LAMA3: variants seen among roughly 807,000 people sequenced by gnomAD.
LAMA3 encodes laminin subunit alpha 3, also known as laminin subunit alpha-3.
Under a neutral mutation model 402.0 loss-of-function variants are expected in LAMA3, and 281 were observed. The observed-to-expected ratio is 0.70, with a 90% CI of 0.63 to 0.77. The LOEUF is 0.77. Among genes scored for constraint, LAMA3 ranks in the 30% least tolerant of loss-of-function variants. LAMA3 has a pLI of 0.00. For synonymous variants in LAMA3, 1,431 were observed against 1,558.4 expected (o/e 0.92, Z 1.93); for missense variants, 3,840 against 4,215.5 (o/e 0.91, Z 2.47).
intron 24 of LAMA3, among the ~76,000 whole-genome samples, chr18:23,836,442 A>G (rs1385894953): frequency 1.3e-5 from 2 of 152,212 alleles, no homozygotes; most frequent in African/African-American, 2.4e-5. Context: ...GAGCTTTTAA[A>G]TGCCCCTGAA....
At chr18:23,788,450 T>A (rs2062588309) in intron 12 of LAMA3, among the ~76,000 whole-genome samples, 1 of 151,790 alleles carries the variant, frequency 6.6e-6, no homozygotes, top group Non-Finnish European at 1.5e-5. Flanking sequence ...AAAATTACAC[T>A]AGAAAATATC....
chr18:23,810,698 C>G (rs2063052734), intron 13 of LAMA3, among the ~76,000 whole-genome samples, 195 bp downstream of exon 13: 1 of 152,120 alleles, frequency 6.6e-6, no homozygotes, highest in African/African-American at 2.4e-5. Flanking sequence ...TATGTACCCT[C>G]AAAGGAATCC....
rs984661883 is a variant in LAMA3 at position 23,845,132 on chromosome 18, T to A, written c.3719+8T>A. ...AAACAGCTTTTACCTTGAGTGAGTA[T>A]CACTTTGTGGGAAGGCTCTGGAATG... On this transcript the variant is annotated splice_region_variant and intron_variant, in intron 30 of 74. Coordinates refer to ENST00000313654, the MANE Select transcript of LAMA3 (RefSeq NM_198129.4). 9 of 1,497,590 alleles carry A rather than the reference T, an allele frequency of 6.0e-6. No individual in the cohort carries two copies. Among genetic ancestry groups the A allele is most frequent in the Admixed American group, 5.0e-5 (3 of 59,844 alleles). The allele number at this position is 1,497,590 out of a possible 1,614,324, so 92.8% of individuals were successfully genotyped here.
intron 2 of LAMA3, among the ~76,000 whole-genome samples, chr18:23,720,480 G>A (rs544342196): frequency 3.3e-5 from 5 of 151,848 alleles, no homozygotes; most frequent in Non-Finnish European, 5.9e-5. Flanking sequence ...TCAGCCTCCC[G>A]AGTAGCTGGG....
intron 11 of LAMA3, among the ~76,000 whole-genome samples, chr18:23,778,269 A>G (rs559427557): frequency 6.6e-6 from 1 of 152,348 alleles, no homozygotes. Context: ...ATTCCCTGTT[A>G]TGTGCAAAGT....
intron 8 of LAMA3, among the ~76,000 whole-genome samples, chr18:23,771,066 T>C (rs1329430915): frequency 3.9e-5 from 6 of 152,216 alleles, no homozygotes; most frequent in Admixed American, 3.9e-4. Flanking sequence ...TTTCCACTCA[T>C]AGGCATTTAT....
chr18:23,954,645 G>A lies in LAMA3; in HGVS notation c.9999G>A (p.Gln3333=). ...TCAGTCTGAATGGTTGTCCTGACCA[G>A]TAACCCAAGCCTATTTCACAGCAAG... The part of the protein sequence containing the change: ...GPVSLNGCPD[Q] Residue 3333 remains glutamine (Q), a synonymous_variant, in exon 75 of 75, where the codon CAG becomes CAA. Coordinates refer to ENST00000313654, the MANE Select transcript of LAMA3 (RefSeq NM_198129.4). 6.2e-7 allele frequency: 1 copy of A among 1,614,014 alleles called. No homozygotes were observed. Among genetic ancestry groups the A allele is most frequent in the Non-Finnish European group, 8.5e-7 (1 of 1,179,984 alleles).
At chr18:23,764,850 C>T (rs1283320194) in intron 8 of LAMA3, among the ~76,000 whole-genome samples, 7 of 152,152 alleles carry the variant, frequency 4.6e-5, no homozygotes, top group Admixed American at 1.3e-4. Context: ...AGTTCTGCTT[C>T]TTTTATGGTT....
At chr18:23,942,877 G>A (rs375040906) in intron 68 of LAMA3, among the ~76,000 whole-genome samples, 45 of 152,218 alleles carry the variant, frequency 3.0e-4, no homozygotes, top group Admixed American at 1.7e-3. Context: ...GATTACAGGC[G>A]TGAGCCACCT....
chr18:23,816,329 G>A, intron 17 of LAMA3, 59 bp from the exon 18 acceptor site: 1 of 1,325,060 alleles, frequency 7.5e-7, no homozygotes. Flanking sequence ...GTACAGCAGG[G>A]GAGGCGCTCA....
intron 74 of LAMA3, 138 bp downstream of exon 74, chr18:23,953,247 G>A: frequency 8.6e-7 from 1 of 1,163,990 alleles, no homozygotes. Context: ...GGGAAAGGCA[G>A]TTGCTGGAAA....
intron 44 of LAMA3, chr18:23,898,511 T>C (rs933152208): frequency 7.0e-6 from 4 of 570,770 alleles, no homozygotes; most frequent in African/African-American, 5.6e-5. Context: ...GAAGTAGCTC[T>C]TATCTCTTCA....
intron 41 of LAMA3, among the ~76,000 whole-genome samples, chr18:23,889,664 AG>A (rs1316701590): frequency 2.4e-4 from 23 of 96,644 alleles, no homozygotes; most frequent in Non-Finnish European, 1.8e-4. Context: ...GGGAGGAGGG[AG>A]GGGGGAGGGA....
chr18:23,876,391 G>T lies in LAMA3; in HGVS notation c.5096G>T (p.Gly1699Val), dbSNP rs1176451059. The change falls in exon 39 of 75, where the codon GGC becomes GTC. Residue 1699 changes from glycine (G) to valine (V), a missense_variant. Physicochemically the swap from Gly to Val is moderately radical, Grantham distance 109. Around this residue, in one of 3 missense-constraint regions of LAMA3, gnomAD observed 2,109 missense variants for 2,376.0 expected, o/e 0.89. Coordinates refer to ENST00000313654, the MANE Select transcript of LAMA3 (RefSeq NM_198129.4). The stretch of plus-strand genomic sequence containing the variant: ...GGACATTCAAATCAATGCCAGGATG[G>T]CTCAGGCATATGTGTTGTGAGTAAA... ...CNGHSNQCQD[G>V]SGICVNCQHN... is the part of the protein sequence containing the mutation. The T allele has an allele frequency of 2.5e-6, 4 of 1,610,680 alleles. No homozygotes were observed. The highest frequency in any genetic ancestry group is 1.3e-5 in the African/African-American group (1 of 74,986).
At chr18:23,694,057 C>T (rs546779476) in intron 1 of LAMA3, among the ~76,000 whole-genome samples, 1 of 152,256 alleles carries the variant, frequency 6.6e-6, no homozygotes, top group South Asian at 2.1e-4. Flanking sequence ...GATTAGATCC[C>T]TCATGTCAAC....
intron 23 of LAMA3, among the ~76,000 whole-genome samples, chr18:23,829,983 G>A (rs900394613): frequency 6.6e-6 from 1 of 152,108 alleles, no homozygotes; most frequent in Non-Finnish European, 1.5e-5. Context: ...AATGTGCCTC[G>A]ATCTGGCCGC....
Position 23,928,761 on chromosome 18 carries a change from C to T in LAMA3, c.8432C>T (p.Thr2811Ile). 1 of 1,613,436 alleles carries T rather than the reference C, an allele frequency of 6.2e-7. No individual in the cohort carries two copies. Among genetic ancestry groups the T allele is most frequent in the South Asian group, 1.1e-5 (1 of 91,066 alleles). Residue 2811 changes from threonine to isoleucine, a missense_variant, in exon 64 of 75, where the codon ACA becomes ATA. This residue lies in a region of LAMA3 where 840 missense variants were observed against 981.9 expected (regional missense o/e 0.86). Coordinates refer to ENST00000313654, the MANE Select transcript of LAMA3 (RefSeq NM_198129.4). ...AGTGGCATATTATTAGATCATCAGA[C>T]ATGGGTATGCAGTAGTGCATTAATA... is the stretch of plus-strand genomic sequence containing the variant. ...QPSGILLDHQ[T>I]WTRNLQVTLE...
At chr18:23,749,641 C>T in intron 4 of LAMA3, 95 bp downstream of exon 4, 1 of 816,570 alleles carries the variant, frequency 1.2e-6, no homozygotes, top group South Asian at 1.3e-5. Flanking sequence ...CTTTCAAGGA[C>T]ATCTAACATA....
chr18:23,886,508 G>A (rs2065079518), intron 41 of LAMA3, among the ~76,000 whole-genome samples: 1 of 151,838 alleles, frequency 6.6e-6, no homozygotes, highest in African/African-American at 2.4e-5. Context: ...CAAGTGTGGT[G>A]GTGTGTGCCT....
Sources: allele counts gnomAD v4.1 joint callset (sites outside exome capture counted in the v4.1 genomes callset), GRCh38; gene constraint gnomAD v4.1.1; regional missense constraint gnomAD v4.1.1; transcripts MANE v1.5; gene names NCBI Gene and HGNC (gene_info 2026-07-23, HGNC 2026-07-21).